The following MARCHF1 variants were observed in gnomAD, a reference collection of about 807,000 sequenced individuals.
The protein encoded by MARCHF1 is E3 ubiquitin-protein ligase MARCHF1.
MARCHF1 carries 40 observed loss-of-function variants against 54.2 expected under a neutral mutation model. The observed-to-expected ratio is 0.74, with a 90% CI of 0.57 to 0.96. MARCHF1 has a LOEUF of 0.96. Ranked by LOEUF, MARCHF1 falls within the 40% of genes least tolerant of loss-of-function variation. The pLI, the probability that MARCHF1 is intolerant of heterozygous loss-of-function variation, is 0.00. For synonymous variants in MARCHF1, 236 were observed against 236.3 expected (o/e 1.00, Z 0.01); for missense variants, 586 against 656.5 (o/e 0.89, Z 1.17).
At chr4:164,335,581 CAAAAAAAA>C (rs34889741) in intron 1 of MARCHF1, among the ~76,000 whole-genome samples, 2 of 121,758 alleles carry the variant, frequency 1.6e-5, no homozygotes, top group African/African-American at 3.3e-5. Context: ...GACTCCATCT[CAAAAAAAA>C]AAAAAAAAAA....
intron 2 of MARCHF1, among the ~76,000 whole-genome samples, chr4:164,026,137 G>A (rs931860817): frequency 6.6e-6 from 1 of 152,078 alleles, no homozygotes; most frequent in Non-Finnish European, 1.5e-5. Context: ...TGGATTCACA[G>A]CCAAATTCCA....
intron 1 of MARCHF1, among the ~76,000 whole-genome samples, chr4:164,380,473 A>G (rs1322395973): frequency 6.6e-6 from 1 of 152,234 alleles, no homozygotes; most frequent in Non-Finnish European, 1.5e-5. Flanking sequence ...CCTCAAGTAC[A>G]TGACAAAGTC....
intron 3 of MARCHF1, among the ~76,000 whole-genome samples, chr4:163,887,503 T>C (rs1750565230): frequency 1.3e-5 from 2 of 152,130 alleles, no homozygotes; most frequent in Admixed American, 6.6e-5. Flanking sequence ...CAGAACCTGT[T>C]AGAGACGTAG....
intron 4 of MARCHF1, among the ~76,000 whole-genome samples, chr4:163,774,327 A>G (rs1747243614): frequency 6.6e-6 from 1 of 152,202 alleles, no homozygotes; most frequent in South Asian, 2.1e-4. Context: ...TGTGGAACCC[A>G]TGGACACAGA....
chr4:164,288,524 G>A (rs971315768), intron 1 of MARCHF1, among the ~76,000 whole-genome samples: 4 of 151,926 alleles, frequency 2.6e-5, no homozygotes, highest in Non-Finnish European at 5.9e-5. Flanking sequence ...GAAATCAGCA[G>A]TATGAGAATT....
intron 7 of MARCHF1, among the ~76,000 whole-genome samples, chr4:163,608,955 G>C (rs570965266): frequency 6.6e-6 from 1 of 152,160 alleles, no homozygotes; most frequent in South Asian, 2.1e-4. Context: ...AAGATCTTTT[G>C]TAGTGATTTA....
intron 3 of MARCHF1, among the ~76,000 whole-genome samples, chr4:163,897,001 C>G (rs1245939995): frequency 2.6e-5 from 4 of 152,168 alleles, no homozygotes; most frequent in African/African-American, 9.7e-5. Flanking sequence ...TATCTCATTG[C>G]TCATTCTCTC....
intron 3 of MARCHF1, among the ~76,000 whole-genome samples, chr4:163,856,855 A>C (rs1749779477): frequency 3.9e-5 from 6 of 151,962 alleles, no homozygotes. Flanking sequence ...TACTAAAAAT[A>C]CAAAAAATTA....
chr4:164,063,439 T>C (rs1358644840), intron 2 of MARCHF1, among the ~76,000 whole-genome samples: 2 of 152,234 alleles, frequency 1.3e-5, no homozygotes, highest in African/African-American at 2.4e-5. Flanking sequence ...TGTACTTTTA[T>C]GTTATGAAGA....
intron 2 of MARCHF1, among the ~76,000 whole-genome samples, chr4:164,099,774 G>A (rs1755498346): frequency 2.0e-5 from 3 of 151,942 alleles, no homozygotes; most frequent in African/African-American, 7.2e-5. Flanking sequence ...TGTTCTCTGA[G>A]GTCATAATAT....
intron 2 of MARCHF1, among the ~76,000 whole-genome samples, chr4:164,095,369 T>C (rs1291728688): frequency 6.6e-6 from 1 of 151,608 alleles, no homozygotes; most frequent in African/African-American, 2.4e-5. Context: ...TGAAAACAAA[T>C]GCCCGAGAAG....
intron 4 of MARCHF1, among the ~76,000 whole-genome samples, chr4:163,733,195 A>ATATATATATATATATATACACGTG (rs1745904948): frequency 7.2e-4 from 19 of 26,348 alleles, no homozygotes; most frequent in South Asian, 1.9e-3. Context: ...ATATATATAT[A>ATATATATATATATATATACACGTG]TATATATATA....
intron 5 of MARCHF1, among the ~76,000 whole-genome samples, chr4:163,615,060 C>A (rs1011414590): frequency 3.3e-5 from 5 of 151,942 alleles, no homozygotes; most frequent in Admixed American, 3.3e-4. Context: ...GGCTTCTGAC[C>A]TCTAGAACTA....
intron 1 of MARCHF1, among the ~76,000 whole-genome samples, chr4:164,245,785 A>G (rs1047851801): frequency 3.2e-5 from 4 of 125,880 alleles, no homozygotes; most frequent in African/African-American, 1.2e-4. Context: ...CAAAAATCAC[A>G]AGCATTCTTA....
intron 4 of MARCHF1, among the ~76,000 whole-genome samples, chr4:163,714,982 T>C (rs960293143): frequency 2.6e-5 from 4 of 152,194 alleles, no homozygotes; most frequent in African/African-American, 9.7e-5. Context: ...GCACCCAGCC[T>C]ATACACTGTT....
chr4:164,234,282 A>T (rs758757895), intron 1 of MARCHF1, among the ~76,000 whole-genome samples: 1 of 152,192 alleles, frequency 6.6e-6, no homozygotes, highest in Non-Finnish European at 1.5e-5. Context: ...AAAGGCTTAT[A>T]GACTTATGTA....
At chr4:163,935,224 T>A (rs1271208718) in intron 3 of MARCHF1, among the ~76,000 whole-genome samples, 1 of 152,136 alleles carries the variant, frequency 6.6e-6, no homozygotes, top group Non-Finnish European at 1.5e-5. Context: ...TGGCTTCAAT[T>A]TAAAGTTACC....
At chr4:163,594,753 AACACAAACACACACACACACAC>A (rs1740705215) in intron 7 of MARCHF1, among the ~76,000 whole-genome samples, 1 of 141,974 alleles carries the variant, frequency 7.0e-6, no homozygotes, top group African/African-American at 2.9e-5. Flanking sequence ...CTATTATCAA[AACACAAACACACACACACACAC>A]ACACACACAC....
intron 7 of MARCHF1, among the ~76,000 whole-genome samples, chr4:163,597,694 C>A (rs1051620606): frequency 1.3e-5 from 2 of 151,554 alleles, no homozygotes; most frequent in African/African-American, 4.8e-5. Flanking sequence ...TTTTCTCATT[C>A]TTTAGTTAAT....
Sources: gnomAD v4.1 joint callset for allele counts (sites outside exome capture counted in the v4.1 genomes callset) on GRCh38, gnomAD v4.1.1 for gene constraint, MANE v1.5 for transcripts, NCBI Gene and HGNC (gene_info 2026-07-23, HGNC 2026-07-21) for gene names.